Variants in PI15 observed in about 807,000 individuals in gnomAD.
The protein encoded by PI15 is peptidase inhibitor 15.
A neutral mutation model predicts 31.0 loss-of-function variants in PI15; 18 were observed. The ratio of observed to expected loss-of-function variants is 0.58; its 90% confidence interval spans 0.40 to 0.86. PI15 has a LOEUF of 0.86. Ranked by LOEUF, PI15 falls within the 40% of genes least tolerant of loss-of-function variation. The probability of loss-of-function intolerance (pLI) is 0.00; values close to 1 mark genes in which losing one functional copy is unlikely to be tolerated. For synonymous variants in PI15, 118 were observed against 119.1 expected (o/e 0.99, Z 0.06); for missense variants, 282 against 328.1 (o/e 0.86, Z 1.09).
intron 2 of PI15, among the ~76,000 whole-genome samples, chr8:74,835,455 A>G (rs979449882): frequency 1.3e-5 from 2 of 152,198 alleles, no homozygotes; most frequent in Non-Finnish European, 2.9e-5. Flanking sequence ...GTGCTTTAAG[A>G]TCATGGTTCA....
rs767374271 is a variant in PI15, at chr8:74,826,278, TA to T, written c.273+759del. On this transcript the variant is annotated intron_variant, in intron 2 of 5. Coordinates refer to ENST00000260113, the MANE Select transcript of PI15 (RefSeq NM_015886.5). ...TTTGAATTTATGCAAGGTTATGATT[TA>T]AAGTCCAGCGTCTTACAAGAGCACA... 395 of 972,004 alleles carry T rather than the reference TA, an allele frequency of 4.1e-4. 1 individual carries two copies. Among genetic ancestry groups the T allele is most frequent in the Admixed American group, 7.4e-4 (12 of 16,234 alleles). 60.2% of individuals were successfully genotyped at this position (972,004 alleles called of 1,614,324 possible).
intron 5 of PI15, among the ~76,000 whole-genome samples, chr8:74,848,521 G>A (rs1005112357): frequency 5.3e-5 from 8 of 151,488 alleles, no homozygotes; most frequent in African/African-American, 1.9e-4. Context: ...AGTTTAAAAG[G>A]AGTAAGTTTA....
rs181822156 is a variant in PI15, at chr8:74,849,549, T to G, written c.*296T>G. 3.9e-6 allele frequency: 1 copy of G among 254,426 alleles called. No homozygotes were observed. The highest frequency in any genetic ancestry group is 2.3e-5 in the African/African-American group (1 of 44,114). The allele number at this position is 254,426 out of a possible 1,614,324, so 15.8% of individuals were successfully genotyped here. ...CTTACATTCCAAAGGAATTATATCA[T>G]TATGTTCCTAAGGAGTAAATATATA... On this transcript the variant is annotated 3_prime_UTR_variant, in exon 6 of 6. Coordinates refer to ENST00000260113, the MANE Select transcript of PI15 (RefSeq NM_015886.5).
chr8:74,844,988 G>A (rs1586958193), intron 3 of PI15, 140 bp from the exon 4 acceptor site: 3 of 703,170 alleles, frequency 4.3e-6, no homozygotes. Context: ...ACTAGGTGGT[G>A]ATGGTGATTG....
chr8:74,840,956 A>C (rs1335773353), intron 2 of PI15, among the ~76,000 whole-genome samples: 1 of 152,186 alleles, frequency 6.6e-6, no homozygotes, highest in Non-Finnish European at 1.5e-5. Flanking sequence ...TATAATAGTT[A>C]ACAAAGGATG....
chr8:74,848,055 GGC>G (rs1478217362), intron 5 of PI15, among the ~76,000 whole-genome samples: 2 of 152,118 alleles, frequency 1.3e-5, no homozygotes, highest in South Asian at 2.1e-4. Flanking sequence ...ATGGCATCAT[GGC>G]AGTTTTTAAC....
intron 2 of PI15, among the ~76,000 whole-genome samples, chr8:74,831,544 CT>C (rs1350080028): frequency 6.6e-6 from 1 of 152,066 alleles, no homozygotes; most frequent in African/African-American, 2.4e-5. Flanking sequence ...ATAATTTTTA[CT>C]CGTGTGCCTG....
rs1811147753 is a variant in PI15 at position 74,854,182 on chromosome 8, C to T, written c.*4929C>T. 6.6e-6 allele frequency: 1 copy of T among 151,978 alleles called. No homozygotes were observed. The highest frequency in any genetic ancestry group is 6.6e-5 in the Admixed American group (1 of 15,250). The allele number at this position is 151,978 out of a possible 1,614,324, so 9.4% of individuals were successfully genotyped here. A position where few individuals can be genotyped will look rare whatever the true frequency, so the allele number is the denominator to read the frequency against. The stretch of plus-strand genomic sequence containing the variant: ...TATCATGTGTAACTATTATAGATAA[C>T]ATCCTAAACCTTCAGTTTAGATATA... On this transcript the variant is annotated 3_prime_UTR_variant, in exon 6 of 6. Coordinates refer to ENST00000260113, the MANE Select transcript of PI15 (RefSeq NM_015886.5).
chr8:74,830,957 A>T (rs1810773947), intron 2 of PI15, among the ~76,000 whole-genome samples: 1 of 152,080 alleles, frequency 6.6e-6, no homozygotes, highest in Non-Finnish European at 1.5e-5. Flanking sequence ...GCTCTCCTGG[A>T]TGTAAAATCT....
At chr8:74,827,661 G>A (rs1248188953) in intron 2 of PI15, among the ~76,000 whole-genome samples, 1 of 152,162 alleles carries the variant, frequency 6.6e-6, no homozygotes, top group African/African-American at 2.4e-5. Flanking sequence ...TTCTATTGGG[G>A]AGCATCTTCT....
rs1257926339 is a variant in PI15, at chr8:74,853,162, C to T, written c.*3909C>T. 1.3e-5 allele frequency: 2 copies of T among 152,520 alleles called. No individual in the cohort carries two copies. Among genetic ancestry groups the T allele is most frequent in the African/African-American group, 2.4e-5 (1 of 41,432 alleles). The allele number at this position is 152,520 out of a possible 1,614,324, so 9.4% of individuals were successfully genotyped here. ...TCACTGATTAATGGTGCTGAAAACA[C>T]GTTACAATTACCACATATCCTTGCT... On this transcript the variant is annotated 3_prime_UTR_variant, in exon 6 of 6. Coordinates refer to ENST00000260113, the MANE Select transcript of PI15 (RefSeq NM_015886.5).
At chr8:74,843,528 G>T (rs766259343) in intron 2 of PI15, among the ~76,000 whole-genome samples, 3 of 152,154 alleles carry the variant, frequency 2.0e-5, no homozygotes, top group Non-Finnish European at 4.4e-5. Context: ...AGGAGTTCCA[G>T]ACCAGCCTGA....
intron 2 of PI15, among the ~76,000 whole-genome samples, chr8:74,835,008 A>G (rs1349550376): frequency 1.8e-5 from 2 of 109,730 alleles, no homozygotes; most frequent in Admixed American, 7.6e-5. Flanking sequence ...TTTCATTTAT[A>G]TTCACTGCAG....
chr8:74,842,577 T>C (rs1810960417), intron 2 of PI15, among the ~76,000 whole-genome samples: 2 of 152,206 alleles, frequency 1.3e-5, no homozygotes. Flanking sequence ...AAATATTCTC[T>C]ATTGTGTATT....
chr8:74,832,177 T>C (rs1269535205), intron 2 of PI15, among the ~76,000 whole-genome samples: 2 of 152,076 alleles, frequency 1.3e-5, no homozygotes, highest in African/African-American at 4.8e-5. Flanking sequence ...CATGATGAAG[T>C]AGAATAAGGA....
Position 74,845,113 on chromosome 8 carries a change from T to A in PI15, c.393-15T>A, listed in dbSNP as rs761646086. The A allele has an allele frequency of 1.9e-6, 3 of 1,608,062 alleles. No individual in the cohort carries two copies. Among genetic ancestry groups the A allele is most frequent in the Non-Finnish European group, 2.6e-6 (3 of 1,174,690 alleles). ...CACTGCTGCACTCTGATTTCTTTCT[T>A]TTCTTTATATGCAGATATCGCTCTA... is the stretch of plus-strand genomic sequence containing the variant. On this transcript the variant is annotated splice_polypyrimidine_tract_variant and intron_variant, in intron 3 of 5. Transcript: ENST00000260113.
chr8:74,826,370 GGGGT>G, intron 2 of PI15: 1 of 629,354 alleles, frequency 1.6e-6, no homozygotes, highest in South Asian at 7.0e-5. Context: ...GTGAGGGGAG[GGGGT>G]ACCACTAACA....
At chr8:74,841,046 A>T (rs976385703) in intron 2 of PI15, among the ~76,000 whole-genome samples, 28 of 152,134 alleles carry the variant, frequency 1.8e-4, no homozygotes, top group African/African-American at 6.3e-4. Context: ...TAAATATATG[A>T]ATGAGTATAA....
rs1457489955 is a variant in PI15 at position 74,854,224 on chromosome 8, A to G, written c.*4971A>G. 6.6e-6 allele frequency: 1 copy of G among 152,034 alleles called. No individual in the cohort carries two copies. The highest frequency in any genetic ancestry group is 1.5e-5 in the Non-Finnish European group (1 of 67,934). 9.4% of individuals were successfully genotyped at this position (152,034 alleles called of 1,614,324 possible). A position where few individuals can be genotyped will look rare whatever the true frequency, so the allele number is the denominator to read the frequency against. On this transcript the variant is annotated 3_prime_UTR_variant, in exon 6 of 6. Transcript: ENST00000260113. The stretch of plus-strand genomic sequence containing the variant: ...TTAGATATATAATTGACTGGGTGTA[A>G]TCTCTTTTGTAATCTGTTTTGACAG...
Sources: gnomAD v4.1 joint callset for allele counts (sites outside exome capture counted in the v4.1 genomes callset) on GRCh38, gnomAD v4.1.1 for gene constraint, MANE v1.5 for transcripts, NCBI Gene and HGNC (gene_info 2026-07-23, HGNC 2026-07-21) for gene names.